SLC35F1: variants seen among roughly 807,000 people sequenced by gnomAD.
SLC35F1 encodes the protein chromosome 6 open reading frame 169.
SLC35F1 carries 14 observed loss-of-function variants against 48.7 expected under a neutral mutation model. That is an observed-to-expected ratio of 0.29 (90% CI 0.19 to 0.45). The LOEUF is 0.45. Among genes scored for constraint, SLC35F1 ranks in the 20% least tolerant of loss-of-function variants. The pLI is 1.00. For missense variants in SLC35F1, 404 were observed against 500.0 expected, an observed-to-expected ratio of 0.81 and a Z score of 1.83; for synonymous variants, 190 against 202.2, an observed-to-expected ratio of 0.94 and a Z score of 0.51.
In SLC35F1 at chr6:117,923,692, T is replaced by C. The variant is rs992529175; in HGVS notation, c.173+15793T>C. Among the ~76,000 whole-genome samples, 9 of 41,196 alleles carry C rather than the reference T, an allele frequency of 2.2e-4. 2 individuals are homozygous for C. The highest frequency in any genetic ancestry group is 4.6e-4 in the Non-Finnish European group (8 of 17,280). The allele number at this position is 41,196 out of a possible 152,430, so 27.0% of individuals were successfully genotyped here. A position where few individuals can be genotyped will look rare whatever the true frequency, so the allele number is the denominator to read the frequency against. On this transcript the variant is annotated intron_variant, in intron 1 of 7. Coordinates refer to ENST00000360388, the MANE Select transcript of SLC35F1 (RefSeq NM_001029858.4). Reference sequence around the variant, plus strand: ...ACATATATGTACATATATACATATGTACATATACATATATGTACATATATA... The same window carrying C: ...ACATATATGTACATATATACATATGCACATATACATATATGTACATATATA...
intron 3 of SLC35F1, 122 bp downstream of exon 3, chr6:118,235,758 A>G (rs1349694406): frequency 4.5e-6 from 4 of 889,714 alleles, no homozygotes; most frequent in Non-Finnish European, 6.3e-6. Context: ...TAGTATACAG[A>G]CTGCAGTATA....
At chr6:118,071,371 T>C (rs1335470859) in intron 1 of SLC35F1, among the ~76,000 whole-genome samples, 1 of 151,790 alleles carries the variant, frequency 6.6e-6, no homozygotes, top group Non-Finnish European at 1.5e-5. Context: ...TGTTTTTTCA[T>C]GGCCACATCA....
At chr6:117,957,384 A>G (rs149620827) in intron 1 of SLC35F1, among the ~76,000 whole-genome samples, 2 of 152,360 alleles carry the variant, frequency 1.3e-5, no homozygotes, top group African/African-American at 4.8e-5. Context: ...ATCAAAGTGT[A>G]AAACATTGTA....
intron 1 of SLC35F1, among the ~76,000 whole-genome samples, chr6:118,133,926 C>G (rs972057732): frequency 1.2e-4 from 19 of 152,196 alleles, no homozygotes; most frequent in African/African-American, 3.6e-4. Flanking sequence ...GCCTATCTCT[C>G]CATTGAGAAC....
At chr6:118,075,645 T>G (rs377137884) in intron 1 of SLC35F1, among the ~76,000 whole-genome samples, 2 of 152,222 alleles carry the variant, frequency 1.3e-5, no homozygotes, top group African/African-American at 2.4e-5. Flanking sequence ...AAATGCAGTA[T>G]TTTTGATCTA....
In SLC35F1 at chr6:118,275,593, G is replaced by T; in HGVS notation, c.772G>T (p.Ala258Ser). Residue 258 changes from alanine (A) to serine (S), a missense_variant, in exon 5 of 8, where the codon GCA becomes TCA. Ala to Ser is a moderately conservative substitution (Grantham distance 99, BLOSUM62 1). Transcript: ENST00000360388. Reference sequence around the variant, plus strand: ...CCTGGGAATGATTGGTCTCTTTGGAGCATTTTTCAGTGGAATTCAATTGTG... The same window carrying T: ...CCTGGGAATGATTGGTCTCTTTGGATCATTTTTCAGTGGAATTCAATTGTG... Reference protein sequence around the residue: ...EFLGMIGLFGAFFSGIQLAIM... With the variant: ...EFLGMIGLFGSFFSGIQLAIM... 10 of 1,613,826 alleles carry T rather than the reference G, an allele frequency of 6.2e-6. No individual in the cohort carries two copies. Among genetic ancestry groups the T allele is most frequent in the Non-Finnish European group, 8.5e-6 (10 of 1,179,886 alleles).
At chr6:117,934,611 A>G (rs1301755271) in intron 1 of SLC35F1, among the ~76,000 whole-genome samples, 1 of 152,202 alleles carries the variant, frequency 6.6e-6, no homozygotes, top group Admixed American at 6.5e-5. Context: ...TTCATAAATT[A>G]TTATTTTAGG....
At chr6:118,312,215 G>A (rs1025227133) in intron 7 of SLC35F1, among the ~76,000 whole-genome samples, 4 of 152,134 alleles carry the variant, frequency 2.6e-5, no homozygotes, top group East Asian at 1.9e-4. Flanking sequence ...AACTAGAGAC[G>A]TATGGGTGGA....
At chr6:118,190,280 A>C (rs1774714368) in intron 2 of SLC35F1, among the ~76,000 whole-genome samples, 1 of 152,146 alleles carries the variant, frequency 6.6e-6, no homozygotes, top group Admixed American at 6.5e-5. Context: ...CAGGAGAAAA[A>C]CAAAACCTGG....
chr6:118,262,194 G>T (rs907370994), intron 3 of SLC35F1, among the ~76,000 whole-genome samples: 1 of 152,094 alleles, frequency 6.6e-6, no homozygotes, highest in Non-Finnish European at 1.5e-5. Flanking sequence ...GGAAGTGTGG[G>T]TGTCTAAAGC....
At chr6:117,996,347 G>T (rs1006464335) in intron 1 of SLC35F1, among the ~76,000 whole-genome samples, 1 of 152,188 alleles carries the variant, frequency 6.6e-6, no homozygotes, top group Non-Finnish European at 1.5e-5. Flanking sequence ...AATAGGAACA[G>T]CTCCGGTCTA....
chr6:118,317,586 T>TATTTGC lies in SLC35F1; in HGVS notation c.*3337_*3342dup, dbSNP rs1484607596. On this transcript the variant is annotated 3_prime_UTR_variant, in exon 8 of 8. Transcript: ENST00000360388. ...AGTTCAACAAACTGTCCATTTTTGA[T>TATTTGC]ATTTGCATGCTCCCCTATGGACTGG... 6.6e-6 allele frequency: 1 copy of TATTTGC among 152,220 alleles called. No homozygotes were observed. Among genetic ancestry groups the TATTTGC allele is most frequent in the Non-Finnish European group, 1.5e-5 (1 of 68,034 alleles). 9.4% of individuals were successfully genotyped at this position (152,220 alleles called of 1,614,324 possible).
chr6:118,286,054 A>C (rs916638709), intron 7 of SLC35F1, among the ~76,000 whole-genome samples: 1 of 152,174 alleles, frequency 6.6e-6, no homozygotes, highest in African/African-American at 2.4e-5. Context: ...TGCCAATAAC[A>C]ATCAATTAGA....
chr6:118,241,052 T>G (rs1775433626), intron 3 of SLC35F1, among the ~76,000 whole-genome samples: 1 of 152,070 alleles, frequency 6.6e-6, no homozygotes, highest in Non-Finnish European at 1.5e-5. Context: ...ATTGAAGCAA[T>G]AGGTACTCTA....
At chr6:118,165,544 T>C (rs1302762429) in intron 2 of SLC35F1, among the ~76,000 whole-genome samples, 1 of 152,202 alleles carries the variant, frequency 6.6e-6, no homozygotes. Context: ...TAAATGAAGC[T>C]TGACCACCTT....
intron 1 of SLC35F1, among the ~76,000 whole-genome samples, chr6:117,958,293 A>G (rs912903747): frequency 1.3e-5 from 2 of 152,204 alleles, no homozygotes; most frequent in Admixed American, 6.5e-5. Context: ...TTAAAAGTAA[A>G]AAAGATATAA....
At chr6:118,088,495 T>C (rs62431235) in intron 1 of SLC35F1, among the ~76,000 whole-genome samples, 21,738 of 152,260 alleles carry the variant, frequency 0.14, 2,025 homozygotes, top group South Asian at 0.31. Context: ...TTTTAGGGTA[T>C]CTCTCAGCCT....
intron 1 of SLC35F1, among the ~76,000 whole-genome samples, chr6:118,027,583 T>C (rs1771977689): frequency 6.6e-6 from 1 of 152,112 alleles, no homozygotes; most frequent in South Asian, 2.1e-4. Flanking sequence ...ACCATCTTTA[T>C]CTCTGGCAAA....
intron 1 of SLC35F1, among the ~76,000 whole-genome samples, chr6:118,054,040 C>T (rs1772428041): frequency 6.6e-6 from 1 of 152,028 alleles, no homozygotes; most frequent in African/African-American, 2.4e-5. Flanking sequence ...TTTTAAAGTG[C>T]ATTTCTTTGA....
Sources: gnomAD v4.1 joint callset for allele counts (sites outside exome capture counted in the v4.1 genomes callset) on GRCh38, gnomAD v4.1.1 for gene constraint, MANE v1.5 for transcripts, NCBI Gene and HGNC (gene_info 2026-07-23, HGNC 2026-07-21) for gene names.